SHTN1: variants seen among roughly 807,000 people sequenced by gnomAD.
SHTN1 encodes the protein shootin-1.
In SHTN1, 42 loss-of-function variants were observed where a neutral mutation model predicts 83.1. The ratio of observed to expected loss-of-function variants is 0.51; its 90% CI spans 0.39 to 0.65. The LOEUF is 0.65. Among genes scored for constraint, SHTN1 ranks in the 30% least tolerant of loss-of-function variants. The pLI, the probability that SHTN1 is intolerant of heterozygous loss-of-function variation, is 0.00. For missense variants in SHTN1, 622 were observed against 737.8 expected, an observed-to-expected ratio of 0.84 and a Z score of 1.82; for synonymous variants, 224 against 247.7, an observed-to-expected ratio of 0.90 and a Z score of 0.90.
upstream of SHTN1, chr10:117,005,334 C>T: frequency 7.7e-7 from 1 of 1,291,464 alleles, no homozygotes; most frequent in Non-Finnish European, 9.8e-7. Flanking sequence ...GGTGGAGGAA[C>T]GAGGGCGGGT....
intron 2 of SHTN1, among the ~76,000 whole-genome samples, chr10:117,018,510 A>T (rs2420305): frequency 0.62 from 82,754 of 134,282 alleles, 25,471 homozygotes; most frequent in Middle Eastern, 0.72. Context: ...TTTTTTTTAA[A>T]AAAAAAAAAA....
At chr10:116,972,785 G>A (rs1342688376) in intron 2 of SHTN1, among the ~76,000 whole-genome samples, 2 of 152,242 alleles carry the variant, frequency 1.3e-5, no homozygotes, top group Non-Finnish European at 2.9e-5. Context: ...GTAGAACCCA[G>A]TGGCACAACT....
intron 1 of SHTN1, among the ~76,000 whole-genome samples, chr10:117,121,064 C>T (rs1416570723): frequency 2.0e-5 from 3 of 152,114 alleles, no homozygotes; most frequent in Admixed American, 2.0e-4. Context: ...CCTGCCTCAG[C>T]CTCCCAAAGT....
At position 117,064,630 on chromosome 10, in the gene SHTN1, G is replaced by A. The variant is rs117953122; in HGVS notation, c.-188-16120C>T. On this transcript the variant is annotated intron_variant, in intron 1 of 17. Transcript: ENST00000392901. ...AGATCGTGCCACTGCATTCCAGTCC[G>A]GGCAACAGTGTGAGACTTTGTCTCA... is the stretch of plus-strand genomic sequence containing the variant. Among the ~76,000 whole-genome samples, 59 of 150,534 alleles carry A rather than the reference G, an allele frequency of 3.9e-4. No individual in the cohort carries two copies. In the East Asian group the frequency reaches 8.2e-3, roughly 21 times the overall value.
chr10:117,111,943 C>A (rs1853773640), intron 1 of SHTN1, among the ~76,000 whole-genome samples: 1 of 151,938 alleles, frequency 6.6e-6, no homozygotes, highest in Admixed American at 6.6e-5. Flanking sequence ...AAGCACATAC[C>A]AGTGTTTTGG....
intron 2 of SHTN1, among the ~76,000 whole-genome samples, chr10:117,044,267 AT>A (rs1214948644): frequency 8.0e-6 from 1 of 124,608 alleles, no homozygotes; most frequent in African/African-American, 2.5e-5. Context: ...CATTTATACT[AT>A]TCTATAATCT....
At chr10:117,046,176 C>G (rs1043771361) in intron 2 of SHTN1, among the ~76,000 whole-genome samples, 1 of 151,848 alleles carries the variant, frequency 6.6e-6, no homozygotes, top group Admixed American at 6.6e-5. Flanking sequence ...GAACACCAAC[C>G]CAGATAAACA....
intron 1 of SHTN1, among the ~76,000 whole-genome samples, chr10:117,106,625 G>C (rs1244956563): frequency 6.6e-6 from 1 of 152,130 alleles, no homozygotes; most frequent in African/African-American, 2.4e-5. Flanking sequence ...AGAAATAGTA[G>C]CAGCTCCTAT....
At chr10:117,116,890 T>C (rs1853855986) in intron 1 of SHTN1, among the ~76,000 whole-genome samples, 1 of 152,050 alleles carries the variant, frequency 6.6e-6, no homozygotes, top group Non-Finnish European at 1.5e-5. Flanking sequence ...CATCAAATTA[T>C]ATATAGCAGG....
At chr10:116,896,156 A>G (rs1005718783) in intron 16 of SHTN1, among the ~76,000 whole-genome samples, 5 of 152,168 alleles carry the variant, frequency 3.3e-5, no homozygotes, top group African/African-American at 4.8e-5. Flanking sequence ...GTTTCTTGGC[A>G]TTTCCCCCGA....
intron 9 of SHTN1, among the ~76,000 whole-genome samples, chr10:116,939,751 A>G (rs1849299320): frequency 1.3e-5 from 2 of 152,258 alleles, no homozygotes; most frequent in South Asian, 4.1e-4. Context: ...GGTGGTAACA[A>G]GTAGCAGCTA....
At chr10:116,940,069 TA>T (rs1297596004) in intron 9 of SHTN1, among the ~76,000 whole-genome samples, 1 of 152,208 alleles carries the variant, frequency 6.6e-6, no homozygotes, top group Non-Finnish European at 1.5e-5. Context: ...TTTCTTTGAA[TA>T]AAACCTATGC....
intron 1 of SHTN1, among the ~76,000 whole-genome samples, chr10:117,098,006 C>A (rs543016332): frequency 1.3e-5 from 2 of 151,850 alleles, no homozygotes; most frequent in East Asian, 1.9e-4. Flanking sequence ...GTCCCCAGAA[C>A]AACTGAAGAG....
At chr10:116,907,694 G>A (rs1167574687) in intron 14 of SHTN1, among the ~76,000 whole-genome samples, 2 of 152,160 alleles carry the variant, frequency 1.3e-5, no homozygotes, top group Non-Finnish European at 2.9e-5. Context: ...TCTCAACTGT[G>A]CCACATACTT....
At chr10:117,095,603 C>G (rs1045250481) in intron 1 of SHTN1, among the ~76,000 whole-genome samples, 6 of 152,132 alleles carry the variant, frequency 3.9e-5, no homozygotes, top group Admixed American at 6.6e-5. Flanking sequence ...AAGAGAAATG[C>G]GTACTATTCT....
At position 117,089,524 on chromosome 10, in the gene SHTN1, G is replaced by A. The variant is rs553374688; in HGVS notation, c.-189+36783C>T. Among the ~76,000 whole-genome samples, 6 of 152,180 alleles carry A rather than the reference G, an allele frequency of 3.9e-5. No homozygotes were observed. The South Asian group carries it at 1.0e-3, about 26-fold the overall frequency. On this transcript the variant is annotated intron_variant, in intron 1 of 17. Transcript: ENST00000392901. ...CAACATAGAGCAAAAGCTTCATGAC[G>A]CTGGATTTGGCAATGATTTTTTTGG... is the stretch of plus-strand genomic sequence containing the variant.
intron 11 of SHTN1, among the ~76,000 whole-genome samples, chr10:116,923,380 T>C (rs1012200211): frequency 2.6e-5 from 4 of 152,166 alleles, no homozygotes; most frequent in South Asian, 2.1e-4. Context: ...TTCAACTGCA[T>C]CATAAATGTC....
chr10:116,915,175 T>C (rs1848341665), intron 13 of SHTN1, among the ~76,000 whole-genome samples, 200 bp downstream of exon 13: 1 of 152,188 alleles, frequency 6.6e-6, no homozygotes, highest in Admixed American at 6.5e-5. Context: ...CAAAATAACA[T>C]GGCTTCCTTT....
chr10:116,902,684 C>T (rs1589789873), intron 15 of SHTN1, among the ~76,000 whole-genome samples: 2 of 152,304 alleles, frequency 1.3e-5, no homozygotes, highest in African/African-American at 4.8e-5. Flanking sequence ...TTTCTCAAAG[C>T]ATGATTCTAG....
Sources: gnomAD v4.1 joint callset for allele counts (sites outside exome capture counted in the v4.1 genomes callset) on GRCh38, gnomAD v4.1.1 for gene constraint, MANE v1.5 for transcripts, NCBI Gene and HGNC (gene_info 2026-07-23, HGNC 2026-07-21) for gene names.